The following ATG7 variants were observed in gnomAD, a reference collection of about 807,000 sequenced individuals.
ATG7 encodes the protein autophagy related 7.
A neutral mutation model predicts 82.4 loss-of-function variants in ATG7; 70 were observed. That is an observed-to-expected ratio of 0.85 (90% confidence interval 0.70 to 1.04). The LOEUF (loss-of-function observed/expected upper bound fraction) is 1.04. Ranked by LOEUF, ATG7 falls within the 50% of genes least tolerant of loss-of-function variation. The pLI is 0.00. For missense variants in ATG7, 792 were observed against 864.3 expected (o/e 0.92, Z 1.05); for synonymous variants, 287 against 313.0 (o/e 0.92, Z 0.88).
At chr3:11,478,774 C>T (rs2088559835) in intron 20 of ATG7, among the ~76,000 whole-genome samples, 1 of 152,106 alleles carries the variant, frequency 6.6e-6, no homozygotes, top group African/African-American at 2.4e-5. Context: ...TATGAATCAT[C>T]CTACTTAGCA....
chr3:11,329,780 C>G (rs116373201), intron 9 of ATG7, among the ~76,000 whole-genome samples: 202 of 152,246 alleles, frequency 1.3e-3, no homozygotes, highest in African/African-American at 4.7e-3. Context: ...GTTCATTTGT[C>G]AAAACTAAGA....
At chr3:11,344,793 C>T (rs920474014) in intron 13 of ATG7, among the ~76,000 whole-genome samples, 4 of 152,066 alleles carry the variant, frequency 2.6e-5, no homozygotes, top group Admixed American at 1.3e-4. Context: ...TGCCTCAGAC[C>T]AGGAGGTTGA....
chr3:11,278,143 C>T (rs888642248), intron 1 of ATG7, among the ~76,000 whole-genome samples: 2 of 152,104 alleles, frequency 1.3e-5, no homozygotes, highest in Non-Finnish European at 2.9e-5. Context: ...ATTGTTTAAA[C>T]ACACATGTTT....
At chr3:11,274,124 T>A (rs1201773810) in intron 1 of ATG7, among the ~76,000 whole-genome samples, 3 of 152,108 alleles carry the variant, frequency 2.0e-5, no homozygotes, top group African/African-American at 7.2e-5. Flanking sequence ...GATTTTGAAA[T>A]CCTTTAAGAG....
chr3:11,445,466 G>A (rs2084453904), intron 20 of ATG7, among the ~76,000 whole-genome samples: 1 of 152,166 alleles, frequency 6.6e-6, no homozygotes, highest in Non-Finnish European at 1.5e-5. Flanking sequence ...TCACTTATAA[G>A]TGGGAGCTGA....
intron 9 of ATG7, among the ~76,000 whole-genome samples, chr3:11,330,291 T>G (rs1262250998): frequency 6.6e-6 from 1 of 152,222 alleles, no homozygotes; most frequent in African/African-American, 2.4e-5. Flanking sequence ...CAGTATTTGC[T>G]TATATAGTTT....
chr3:11,521,082 A>G (rs1268386099), intron 20 of ATG7, among the ~76,000 whole-genome samples: 1 of 152,220 alleles, frequency 6.6e-6, no homozygotes, highest in Non-Finnish European at 1.5e-5. Context: ...TATGGGGAAC[A>G]TGGTAAAAAT....
intron 13 of ATG7, among the ~76,000 whole-genome samples, chr3:11,343,594 C>G (rs1466373862): frequency 6.6e-6 from 1 of 151,958 alleles, no homozygotes; most frequent in Non-Finnish European, 1.5e-5. Flanking sequence ...ATGTGTCAGT[C>G]TTTTCCTTTG....
At chr3:11,367,758 GT>G (rs112564113) in intron 18 of ATG7, among the ~76,000 whole-genome samples, 625 of 135,182 alleles carry the variant, frequency 4.6e-3, no homozygotes, top group Middle Eastern at 0.024. Flanking sequence ...TTTGTTTTGG[GT>G]TTTTTTTTTT....
intron 20 of ATG7, among the ~76,000 whole-genome samples, chr3:11,545,081 GT>G: frequency 2.0e-5 from 3 of 152,194 alleles, no homozygotes; most frequent in African/African-American, 7.2e-5. Flanking sequence ...AAAGAAGCCT[GT>G]GAAAAGGCTG....
intron 19 of ATG7, among the ~76,000 whole-genome samples, chr3:11,409,084 C>T (rs190009072): frequency 9.9e-5 from 15 of 152,204 alleles, no homozygotes; most frequent in African/African-American, 2.9e-4. Context: ...AATAGTTTCT[C>T]GTGGCCTGCA....
chr3:11,486,721 T>A (rs571380019), intron 20 of ATG7, among the ~76,000 whole-genome samples: 1 of 152,198 alleles, frequency 6.6e-6, no homozygotes, highest in East Asian at 1.9e-4. Flanking sequence ...CATCAGTACC[T>A]AATTTATTGA....
chr3:11,366,218 C>CAAA (rs1296231136), intron 18 of ATG7, among the ~76,000 whole-genome samples: 1,032 of 60,622 alleles, frequency 0.017, 30 homozygotes, highest in African/African-American at 0.052. Context: ...GACTCCATCT[C>CAAA]AAAAAAAAAA....
chr3:11,566,127 C>T, the ATG7 span, among the ~76,000 whole-genome samples: 4 of 152,208 alleles, frequency 2.6e-5, no homozygotes, highest in African/African-American at 7.2e-5. Flanking sequence ...GCCCCCGTCC[C>T]GGACTGGCTG....
At chr3:11,283,481 G>T (rs777554517) in intron 3 of ATG7, among the ~76,000 whole-genome samples, 1 of 152,140 alleles carries the variant, frequency 6.6e-6, no homozygotes, top group African/African-American at 2.4e-5. Context: ...AGTAAATCCA[G>T]GTGCAGGGGG....
intron 9 of ATG7, 30 bp downstream of exon 9, chr3:11,315,523 A>G (rs760014563): frequency 2.0e-6 from 3 of 1,514,772 alleles, no homozygotes; most frequent in Middle Eastern, 3.6e-4. Flanking sequence ...TCATTTTATT[A>G]TATAGTTTTT....
At chr3:11,469,489 C>A (rs1436241061) in intron 20 of ATG7, among the ~76,000 whole-genome samples, 1 of 151,866 alleles carries the variant, frequency 6.6e-6, no homozygotes, top group Non-Finnish European at 1.5e-5. Context: ...CACCAACAAA[C>A]CTACCTATTA....
intron 20 of ATG7, among the ~76,000 whole-genome samples, chr3:11,456,364 T>G (rs1180930478): frequency 6.6e-6 from 1 of 152,334 alleles, no homozygotes; most frequent in East Asian, 1.9e-4. Context: ...ATCTGCCACA[T>G]ATTGTTTATG....
At chr3:11,338,624 C>T (rs1372786470) in intron 11 of ATG7, among the ~76,000 whole-genome samples, 1 of 152,112 alleles carries the variant, frequency 6.6e-6, no homozygotes, top group Non-Finnish European at 1.5e-5. Context: ...AGACCAGCTT[C>T]AGCAACATAG....
Sources: allele counts gnomAD v4.1 joint callset (sites outside exome capture counted in the v4.1 genomes callset), GRCh38; gene constraint gnomAD v4.1.1; transcripts MANE v1.5; gene names NCBI Gene and HGNC (gene_info 2026-07-23, HGNC 2026-07-21).